Variants in LRP1B observed in about 807,000 individuals in gnomAD.
LRP1B encodes the protein LDL receptor related protein 1B, also known as low-density lipoprotein receptor-related protein 1B.
A neutral mutation model predicts 556.6 loss-of-function variants in LRP1B; 217 were observed. That is an observed-to-expected ratio of 0.39 (90% CI 0.35 to 0.44). The LOEUF is 0.44. Among genes scored for constraint, LRP1B ranks in the 20% least tolerant of loss-of-function variants. The pLI is 1.00. For missense variants in LRP1B, 5,053 were observed against 5,620.8 expected (o/e 0.90, Z 3.23); for synonymous variants, 2,047 against 1,865.8 (o/e 1.10, Z -2.50).
intron 3 of LRP1B, among the ~76,000 whole-genome samples, chr2:141,396,596 CTT>C (rs1164577332): frequency 1.3e-5 from 2 of 151,934 alleles, no homozygotes; most frequent in Admixed American, 1.3e-4. Flanking sequence ...CGTTCTGACA[CTT>C]TTTTTCAAGA....
intron 1 of LRP1B, among the ~76,000 whole-genome samples, chr2:142,099,767 T>C (rs1706506629): frequency 6.6e-6 from 1 of 151,980 alleles, no homozygotes; most frequent in South Asian, 2.1e-4. Context: ...AAGTGCCTTA[T>C]TTTAGATAAA....
chr2:140,804,649 ATT>A (rs869167644), intron 32 of LRP1B, among the ~76,000 whole-genome samples: 1,372 of 57,774 alleles, frequency 0.024, 15 homozygotes, highest in African/African-American at 0.074. Context: ...GTAAAAACTA[ATT>A]TTTTTTTTTT....
intron 6 of LRP1B, among the ~76,000 whole-genome samples, chr2:141,196,592 T>C (rs181404102): frequency 6.6e-6 from 1 of 152,262 alleles, no homozygotes; most frequent in African/African-American, 2.4e-5. Flanking sequence ...GGGTTATTTT[T>C]AGAGTTAGAG....
intron 7 of LRP1B, among the ~76,000 whole-genome samples, chr2:141,130,191 G>A (rs1701314619): frequency 6.6e-6 from 1 of 151,690 alleles, no homozygotes; most frequent in African/African-American, 2.4e-5. Context: ...AATAAACATA[G>A]CCAAAAGAAA....
intron 1 of LRP1B, among the ~76,000 whole-genome samples, chr2:141,952,627 A>T (rs902233226): frequency 2.0e-5 from 3 of 152,108 alleles, no homozygotes; most frequent in Non-Finnish European, 4.4e-5. Flanking sequence ...TAAGATGATG[A>T]ATGGAGGTTC....
intron 1 of LRP1B, among the ~76,000 whole-genome samples, chr2:142,073,092 A>G (rs537534745): frequency 6.6e-6 from 1 of 152,126 alleles, no homozygotes; most frequent in South Asian, 2.1e-4. Context: ...TCTCTGCACT[A>G]ATTACAATTA....
intron 4 of LRP1B, among the ~76,000 whole-genome samples, chr2:141,249,228 A>G (rs1684175557): frequency 1.3e-5 from 2 of 152,200 alleles, no homozygotes; most frequent in Non-Finnish European, 2.9e-5. Context: ...TATTTCTCAC[A>G]GAGGAAGAGG....
intron 6 of LRP1B, among the ~76,000 whole-genome samples, chr2:141,193,232 G>A (rs1318056393): frequency 1.3e-5 from 2 of 151,980 alleles, no homozygotes; most frequent in Non-Finnish European, 2.9e-5. Context: ...CCATTACTGT[G>A]TATATACCCA....
chr2:141,351,444 A>C (rs1688439703), intron 3 of LRP1B, among the ~76,000 whole-genome samples: 2 of 152,098 alleles, frequency 1.3e-5, no homozygotes, highest in South Asian at 4.1e-4. Context: ...TTAGCTTCAG[A>C]GCTTCTGACC....
At chr2:140,300,756 CATA>C (rs1683786441) in intron 83 of LRP1B, among the ~76,000 whole-genome samples, 1 of 152,064 alleles carries the variant, frequency 6.6e-6, no homozygotes, top group South Asian at 2.1e-4. Context: ...ATAAAATCAA[CATA>C]ATAATACTGC....
At chr2:141,940,555 A>G (rs1314895837) in intron 1 of LRP1B, among the ~76,000 whole-genome samples, 2 of 152,184 alleles carry the variant, frequency 1.3e-5, no homozygotes, top group African/African-American at 4.8e-5. Flanking sequence ...GGGGAAAAAG[A>G]GCTACGGGTA....
intron 41 of LRP1B, among the ~76,000 whole-genome samples, chr2:140,638,868 G>T (rs1004960712): frequency 6.6e-6 from 1 of 151,056 alleles, no homozygotes; most frequent in African/African-American, 2.4e-5. Flanking sequence ...ATATAAATAT[G>T]AAATTATGTA....
At chr2:140,374,404 T>C (rs1683131467) in intron 68 of LRP1B, among the ~76,000 whole-genome samples, 1 of 152,192 alleles carries the variant, frequency 6.6e-6, no homozygotes, top group East Asian at 1.9e-4. Context: ...GAGTTCACTT[T>C]CTAAATTCCT....
At chr2:141,875,497 T>C (rs1051781943) in intron 1 of LRP1B, among the ~76,000 whole-genome samples, 20 of 152,026 alleles carry the variant, frequency 1.3e-4, no homozygotes, top group Admixed American at 1.3e-3. Flanking sequence ...TTATCCTATA[T>C]AATATACATC....
chr2:140,579,060 G>T (rs541383315), intron 43 of LRP1B, among the ~76,000 whole-genome samples: 2 of 151,724 alleles, frequency 1.3e-5, no homozygotes, highest in East Asian at 1.9e-4. Context: ...AGGAGACAAA[G>T]AAAGAAAAAA....
At chr2:140,779,755 A>AGTGTGT (rs70988440) in intron 32 of LRP1B, among the ~76,000 whole-genome samples, 45 of 135,370 alleles carry the variant, frequency 3.3e-4, no homozygotes, top group South Asian at 2.8e-3. Context: ...TCTGTGAGAG[A>AGTGTGT]GTGTGTGTGT....
intron 86 of LRP1B, among the ~76,000 whole-genome samples, chr2:140,261,550 T>C (rs1229935861): frequency 1.3e-5 from 2 of 151,824 alleles, no homozygotes; most frequent in Non-Finnish European, 1.5e-5. Flanking sequence ...ACCTAATTAT[T>C]GAATTATTAA....
At chr2:141,622,293 A>G (rs1301716664) in intron 2 of LRP1B, among the ~76,000 whole-genome samples, 1 of 152,238 alleles carries the variant, frequency 6.6e-6, no homozygotes, top group Non-Finnish European at 1.5e-5. Flanking sequence ...TCTACATTAT[A>G]CAATTAAATT....
At chr2:141,286,838 C>T in intron 3 of LRP1B, 1 of 335,530 alleles carries the variant, frequency 3.0e-6, no homozygotes, top group East Asian at 8.8e-5. Flanking sequence ...GCAATGCTGC[C>T]CAATTGAACT....
Sources: gnomAD v4.1 joint callset for allele counts (sites outside exome capture counted in the v4.1 genomes callset) on GRCh38, gnomAD v4.1.1 for gene constraint, MANE v1.5 for transcripts, NCBI Gene and HGNC (gene_info 2026-07-23, HGNC 2026-07-21) for gene names.